The following SH3BP5 variants were observed in gnomAD, a reference collection of about 807,000 sequenced individuals.
SH3BP5 encodes the protein SH3 domain-binding protein 5.
Under a neutral mutation model 43.3 loss-of-function variants are expected in SH3BP5, and 22 were observed. That is an observed-to-expected ratio of 0.51 (90% CI 0.36 to 0.73). SH3BP5 has a LOEUF of 0.73. Among genes scored for constraint, SH3BP5 ranks in the 30% least tolerant of loss-of-function variants. The pLI is 0.00. For synonymous variants in SH3BP5, 255 were observed against 225.8 expected, an observed-to-expected ratio of 1.13 and a Z score of -1.16; for missense variants, 529 against 586.9, an observed-to-expected ratio of 0.90 and a Z score of 1.02.
At chr3:15,324,317 C>T (rs1002459940) in intron 2 of SH3BP5, among the ~76,000 whole-genome samples, 3 of 152,194 alleles carry the variant, frequency 2.0e-5, no homozygotes, top group African/African-American at 7.2e-5. Context: ...CTCCTAGAAT[C>T]CCCCTCACCC....
chr3:15,274,056 CA>C (rs1696890765), intron 3 of SH3BP5, among the ~76,000 whole-genome samples: 1 of 152,078 alleles, frequency 6.6e-6, no homozygotes, highest in African/African-American at 2.4e-5. Context: ...CTAGCCTGCC[CA>C]ACATGGTGAA....
chr3:15,291,328 C>G (rs1484119772), intron 3 of SH3BP5, among the ~76,000 whole-genome samples: 1 of 152,186 alleles, frequency 6.6e-6, no homozygotes, highest in African/African-American at 2.4e-5. Flanking sequence ...CAAGACAGGG[C>G]AGCTGACCCC....
chr3:15,307,487 G>A (rs1697942012), intron 2 of SH3BP5, among the ~76,000 whole-genome samples: 1 of 152,198 alleles, frequency 6.6e-6, no homozygotes, highest in Non-Finnish European at 1.5e-5. Flanking sequence ...TGAACCATTT[G>A]TATTACCTAT....
chr3:15,269,831 G>T lies in SH3BP5; in HGVS notation c.377C>A (p.Thr126Lys). ...QKATQDFQRA[T>K]EVLRAAKETI... ...CTCCTTGGCGGCACGGAGCACCTCT[G>T]TGGCCCTCTGGAAGTCCTGCGTGGC... The change falls in exon 4 of 9, where the codon ACA becomes AAA. Residue 126 changes from threonine (T) to lysine (K), a missense_variant. Coordinates refer to ENST00000383791, the MANE Select transcript of SH3BP5 (RefSeq NM_004844.5). 6.3e-7 allele frequency: 1 copy of T among 1,595,600 alleles called. No individual in the cohort carries two copies.
chr3:15,312,981 C>T lies in SH3BP5; in HGVS notation c.202-8750G>A, dbSNP rs569577079. On this transcript the variant is annotated intron_variant, in intron 2 of 8. Coordinates refer to ENST00000383791, the MANE Select transcript of SH3BP5 (RefSeq NM_004844.5). ...AAGTAAGGCTGGGCACAGTGGCTCA[C>T]GCCTGTAATCCCAGCACTTTGGGAG... Among the ~76,000 whole-genome samples, 13 of 152,282 alleles carry T rather than the reference C, an allele frequency of 8.5e-5. No homozygotes were observed. The South Asian group carries it at 1.7e-3, about 19-fold the overall frequency.
chr3:15,275,345 C>T (rs958959066), intron 3 of SH3BP5, among the ~76,000 whole-genome samples: 3 of 152,234 alleles, frequency 2.0e-5, no homozygotes, highest in Admixed American at 2.0e-4. Flanking sequence ...CAATCAATTT[C>T]ACAATCCCGG....
chr3:15,259,120 T>G, intron 6 of SH3BP5, 70 bp from the exon 7 acceptor site: 1 of 1,236,482 alleles, frequency 8.1e-7, no homozygotes, highest in South Asian at 1.3e-5. Flanking sequence ...GAATGACAGG[T>G]TCAAGTACAT....
At chr3:15,326,475 G>A (rs999004111) in intron 2 of SH3BP5, among the ~76,000 whole-genome samples, 1 of 152,186 alleles carries the variant, frequency 6.6e-6, no homozygotes, top group East Asian at 1.9e-4. Context: ...GCCCCAGATC[G>A]CAATCAAAAG....
intron 3 of SH3BP5, among the ~76,000 whole-genome samples, chr3:15,279,374 A>G (rs1697058426): frequency 6.6e-6 from 1 of 152,212 alleles, no homozygotes; most frequent in Non-Finnish European, 1.5e-5. Flanking sequence ...AACCACGGGC[A>G]GTCTTAAGAG....
chr3:15,332,134 C>T (rs1698627359), intron 1 of SH3BP5, 137 bp downstream of exon 1: 1 of 1,352,990 alleles, frequency 7.4e-7, no homozygotes, highest in Non-Finnish European at 1.0e-6. Context: ...GCATACAGAC[C>T]GTCTCCTGCC....
chr3:15,302,335 T>C (rs2125109347), intron 3 of SH3BP5, among the ~76,000 whole-genome samples: 1 of 152,276 alleles, frequency 6.6e-6, no homozygotes, highest in Non-Finnish European at 1.5e-5. Context: ...AGGGCCCAGC[T>C]GGAGATGGAA....
chr3:15,309,485 G>A (rs1030591117), intron 2 of SH3BP5, among the ~76,000 whole-genome samples: 1 of 152,046 alleles, frequency 6.6e-6, no homozygotes, highest in Non-Finnish European at 1.5e-5. Context: ...TGGGCTCAAG[G>A]GATCCTCCTG....
At chr3:15,272,824 C>T (rs1696855032) in intron 3 of SH3BP5, among the ~76,000 whole-genome samples, 1 of 152,168 alleles carries the variant, frequency 6.6e-6, no homozygotes, top group Admixed American at 6.5e-5. Context: ...GGGACCTGCC[C>T]CTGCTGTGGA....
chr3:15,316,181 G>A (rs1641889313), intron 2 of SH3BP5, among the ~76,000 whole-genome samples: 1 of 148,870 alleles, frequency 6.7e-6, no homozygotes, highest in South Asian at 2.1e-4. Context: ...AACAATATGA[G>A]CCAGTTATTT....
At chr3:15,313,460 C>T (rs1698109957) in intron 2 of SH3BP5, among the ~76,000 whole-genome samples, 1 of 152,220 alleles carries the variant, frequency 6.6e-6, no homozygotes, top group Non-Finnish European at 1.5e-5. Flanking sequence ...ATGAAAACAT[C>T]CTGACTTACT....
At chr3:15,315,373 G>C (rs142165356) in intron 2 of SH3BP5, among the ~76,000 whole-genome samples, 1 of 152,142 alleles carries the variant, frequency 6.6e-6, no homozygotes. Context: ...CTTGGGCATC[G>C]CGCAGCTCCA....
intron 2 of SH3BP5, among the ~76,000 whole-genome samples, chr3:15,306,623 T>C (rs9990297): frequency 0.66 from 100,609 of 152,048 alleles, 34,303 homozygotes; most frequent in East Asian, 0.83. Context: ...TGGTAAAACA[T>C]GTGTTTCATT....
At chr3:15,306,333 T>C (rs1697905277) in intron 2 of SH3BP5, among the ~76,000 whole-genome samples, 1 of 152,136 alleles carries the variant, frequency 6.6e-6, no homozygotes, top group Non-Finnish European at 1.5e-5. Flanking sequence ...CACTCCAGCC[T>C]GGGAGACAGA....
intron 3 of SH3BP5, chr3:15,273,450 G>C: frequency 1.0e-6 from 1 of 967,018 alleles, no homozygotes; most frequent in Non-Finnish European, 1.2e-6. Flanking sequence ...CCTTTGAGAA[G>C]AACATGTGCT....
Sources: gnomAD v4.1 joint callset for allele counts (sites outside exome capture counted in the v4.1 genomes callset) on GRCh38, gnomAD v4.1.1 for gene constraint, MANE v1.5 for transcripts, NCBI Gene and HGNC (gene_info 2026-07-23, HGNC 2026-07-21) for gene names.